STON2: variants seen among roughly 807,000 people sequenced by gnomAD.
STON2 encodes stonin-2.
A neutral mutation model predicts 65.7 loss-of-function variants in STON2; 29 were observed. That is an observed-to-expected ratio of 0.44 (90% CI 0.33 to 0.60). STON2 has a LOEUF of 0.60. Ranked by LOEUF, STON2 falls within the 20% of genes least tolerant of loss-of-function variation. The pLI, the probability that STON2 is intolerant of heterozygous loss-of-function variation, is 0.03. For missense variants in STON2, 1,054 were observed against 1,118.1 expected, an observed-to-expected ratio of 0.94 and a Z score of 0.82; for synonymous variants, 404 against 414.2, an observed-to-expected ratio of 0.98 and a Z score of 0.30.
intron 3 of STON2, among the ~76,000 whole-genome samples, chr14:81,374,299 G>A (rs752391866): frequency 2.0e-5 from 3 of 151,332 alleles, no homozygotes; most frequent in Non-Finnish European, 4.4e-5. Flanking sequence ...GATTACAGGC[G>A]TGAGCCACCA....
At chr14:81,326,916 C>T (rs1429542817) in intron 4 of STON2, among the ~76,000 whole-genome samples, 4 of 152,176 alleles carry the variant, frequency 2.6e-5, no homozygotes, top group Non-Finnish European at 4.4e-5. Context: ...TCCTGCACTC[C>T]TGACAATTCT....
At chr14:81,303,426 G>A (rs1203288846) in intron 5 of STON2, among the ~76,000 whole-genome samples, 3 of 152,200 alleles carry the variant, frequency 2.0e-5, no homozygotes, top group African/African-American at 7.2e-5. Flanking sequence ...AACAGTGGTG[G>A]TGTGGGACAA....
At chr14:81,336,770 C>T (rs552481077) in intron 4 of STON2, among the ~76,000 whole-genome samples, 34 of 152,164 alleles carry the variant, frequency 2.2e-4, no homozygotes, top group Non-Finnish European at 3.7e-4. Context: ...TCACCATCAA[C>T]AAGGATTTGA....
chr14:81,311,392 G>A (rs1384794079), intron 5 of STON2, among the ~76,000 whole-genome samples: 5 of 152,034 alleles, frequency 3.3e-5, no homozygotes, highest in Non-Finnish European at 7.4e-5. Flanking sequence ...TGTCACAAGG[G>A]GTGTTTCTAA....
chr14:81,304,085 C>T (rs1896075844), intron 5 of STON2, among the ~76,000 whole-genome samples: 1 of 152,174 alleles, frequency 6.6e-6, no homozygotes, highest in Non-Finnish European at 1.5e-5. Flanking sequence ...TTATCGGCAT[C>T]GCTCATTTGG....
intron 2 of STON2, among the ~76,000 whole-genome samples, chr14:81,414,984 G>A (rs1164606665): frequency 6.6e-6 from 1 of 152,008 alleles, no homozygotes; most frequent in African/African-American, 2.4e-5. Context: ...TGTGGAAAGG[G>A]GCTAAGGGCT....
At chr14:81,338,053 G>T (rs1274305688) in intron 4 of STON2, among the ~76,000 whole-genome samples, 2 of 152,196 alleles carry the variant, frequency 1.3e-5, no homozygotes, top group African/African-American at 2.4e-5. Context: ...GGTCATAGGA[G>T]AATCTTCTGT....
At chr14:81,388,139 G>A (rs182634656) in intron 3 of STON2, among the ~76,000 whole-genome samples, 8 of 151,344 alleles carry the variant, frequency 5.3e-5, no homozygotes, top group East Asian at 2.0e-4. Flanking sequence ...TAGTAGAGAT[G>A]GCGTTTCACC....
intron 5 of STON2, among the ~76,000 whole-genome samples, chr14:81,294,560 T>C (rs1430541312): frequency 1.3e-5 from 2 of 152,220 alleles, no homozygotes; most frequent in Non-Finnish European, 2.9e-5. Context: ...ACCTCTTACA[T>C]TGTTGTGAGA....
chr14:81,342,136 G>A (rs1433225297), intron 4 of STON2, among the ~76,000 whole-genome samples: 1 of 151,894 alleles, frequency 6.6e-6, no homozygotes, highest in Non-Finnish European at 1.5e-5. Flanking sequence ...AAGCCATAAT[G>A]GAGTTTTTTT....
intron 5 of STON2, 194 bp from the exon 6 acceptor site, chr14:81,278,933 T>C (rs1294943415): frequency 1.2e-5 from 5 of 431,706 alleles, no homozygotes; most frequent in African/African-American, 1.0e-4. Flanking sequence ...AGAGGAGCTA[T>C]CGCATTAAGT....
At chr14:81,275,993 C>T (rs543142403) in intron 6 of STON2, among the ~76,000 whole-genome samples, 3 of 152,280 alleles carry the variant, frequency 2.0e-5, no homozygotes, top group East Asian at 1.9e-4. Flanking sequence ...TATCCACTTT[C>T]GTTAACAGAT....
chr14:81,319,260 T>C (rs1421798247), intron 5 of STON2, among the ~76,000 whole-genome samples: 1 of 152,254 alleles, frequency 6.6e-6, no homozygotes, highest in Non-Finnish European at 1.5e-5. Context: ...TGAAATTTAA[T>C]GGTTAAAATA....
intron 4 of STON2, among the ~76,000 whole-genome samples, chr14:81,350,857 G>C (rs1157247393): frequency 6.6e-6 from 1 of 152,114 alleles, no homozygotes; most frequent in African/African-American, 2.4e-5. Flanking sequence ...CTGATACTTT[G>C]TTGAGTGCAT....
chr14:81,339,364 G>C (rs556892526), intron 4 of STON2, among the ~76,000 whole-genome samples: 85 of 152,286 alleles, frequency 5.6e-4, no homozygotes, highest in African/African-American at 1.9e-3. Context: ...GTAAATGCGG[G>C]AGGGACACAG....
intron 1 of STON2, among the ~76,000 whole-genome samples, chr14:81,431,516 C>G (rs1355438888): frequency 6.6e-6 from 1 of 152,036 alleles, no homozygotes; most frequent in Non-Finnish European, 1.5e-5. Context: ...CGGTGGCTCA[C>G]GCCTGTGATC....
chr14:81,393,299 C>T (rs952428068), intron 3 of STON2, among the ~76,000 whole-genome samples: 3 of 152,178 alleles, frequency 2.0e-5, no homozygotes, highest in African/African-American at 4.8e-5. Context: ...CCTGAAGGCA[C>T]GGCCATTTTA....
intron 7 of STON2, among the ~76,000 whole-genome samples, chr14:81,268,980 G>C (rs920359123): frequency 6.6e-6 from 1 of 152,110 alleles, no homozygotes; most frequent in South Asian, 2.1e-4. Context: ...GTAATTGACT[G>C]TTTGTACCCC....
intron 7 of STON2, among the ~76,000 whole-genome samples, chr14:81,269,057 G>A (rs996819155): frequency 2.0e-5 from 3 of 152,062 alleles, no homozygotes; most frequent in African/African-American, 7.2e-5. Flanking sequence ...GGAGTGCACT[G>A]GCACAATCTT....
Sources: allele counts gnomAD v4.1 joint callset (sites outside exome capture counted in the v4.1 genomes callset), GRCh38; gene constraint gnomAD v4.1.1; transcripts MANE v1.5; gene names NCBI Gene and HGNC (gene_info 2026-07-23, HGNC 2026-07-21).